The following ETS1 variants were observed in gnomAD, a reference collection of about 807,000 sequenced individuals.
ETS1 encodes the protein ETS proto-oncogene 1, transcription factor, also known as protein C-ets-1.
Under a neutral mutation model 58.6 loss-of-function variants are expected in ETS1, and 15 were observed. The ratio of observed to expected loss-of-function variants is 0.26; its 90% CI spans 0.17 to 0.39. The LOEUF (loss-of-function observed/expected upper bound fraction) is 0.39. Ranked by LOEUF, ETS1 falls within the 10% of genes least tolerant of loss-of-function variation. The probability of loss-of-function intolerance (pLI) is 1.00; values close to 1 mark genes in which losing one functional copy is unlikely to be tolerated. For missense variants in ETS1, 417 were observed against 610.5 expected, an observed-to-expected ratio of 0.68 and a Z score of 3.34; for synonymous variants, 214 against 218.2, an observed-to-expected ratio of 0.98 and a Z score of 0.17.
intron 3 of ETS1, among the ~76,000 whole-genome samples, chr11:128,518,096 C>T (rs1366155854): frequency 6.6e-6 from 1 of 152,210 alleles, no homozygotes; most frequent in East Asian, 1.9e-4. Context: ...ATGACAATCT[C>T]CATCACCCAA....
At chr11:128,571,157 G>T (rs556637558) in intron 2 of ETS1, among the ~76,000 whole-genome samples, 1 of 151,760 alleles carries the variant, frequency 6.6e-6, no homozygotes, top group African/African-American at 2.4e-5. Context: ...GGCTGGGCGC[G>T]GTGGCTCACG....
rs1208087346 is a variant in ETS1, at chr11:128,460,426, A to C, written c.*1935T>G. The C allele has an allele frequency of 1.3e-5, 2 of 152,676 alleles. No individual in the cohort carries two copies. Among genetic ancestry groups the C allele is most frequent in the African/African-American group, 4.8e-5 (2 of 41,422 alleles). 9.5% of individuals were successfully genotyped at this position (152,676 alleles called of 1,614,324 possible). ...GAGGATCTGGGAGTAAATAACAATC[A>C]ATTTTCTTAAAGATATGCTAGAAAG... On this transcript the variant is annotated 3_prime_UTR_variant, in exon 10 of 10. Transcript: ENST00000392668.
At position 128,549,389 on chromosome 11, in the gene ETS1, G is replaced by A. The variant is rs764024663; in HGVS notation, c.214+6902C>T. Among the ~76,000 whole-genome samples the A allele has an allele frequency of 1.4e-4, 22 of 152,168 alleles. No homozygotes were observed. The highest frequency in any genetic ancestry group is 2.5e-4 in the Non-Finnish European group (17 of 68,030). ...CGAGCGGGGCCTGACGCCAGCCGGC[G>A]GCGTCCACCGTCCCACCCCCGTGCG... On this transcript the variant is annotated intron_variant, in intron 3 of 9. Transcript: ENST00000392668. This position sits in a 1 kb window ranked among gnomAD's most constrained non-coding sequence, Gnocchi z 4.3.
intron 3 of ETS1, 137 bp from the exon 4 acceptor site, chr11:128,490,713 AAT>A: frequency 6.4e-6 from 3 of 469,042 alleles, no homozygotes; most frequent in Non-Finnish European, 1.1e-5. Context: ...CAGAGCAGGC[AAT>A]TTTTTTTTTT....
rs1335912497 is a variant in ETS1 at position 128,464,677 on chromosome 11, G to C, written c.1124-1050C>G. 6.6e-6 allele frequency among the ~76,000 whole-genome samples: 1 copy of C among 152,112 alleles called. No homozygotes were observed. The highest frequency in any genetic ancestry group is 1.5e-5 in the Non-Finnish European group (1 of 68,012). On this transcript the variant is annotated intron_variant, in intron 8 of 9. Transcript: ENST00000392668. This position sits in a 1 kb window ranked among gnomAD's most constrained non-coding sequence, Gnocchi z 4.1. ...GCCCAGGAAGCACCAGCTCCTACAG[G>C]AAAGCTTTGCTCACTAAGGCTCTAA... is the stretch of plus-strand genomic sequence containing the variant.
chr11:128,472,871 T>G (rs1862224248), intron 8 of ETS1, among the ~76,000 whole-genome samples: 1 of 152,198 alleles, frequency 6.6e-6, no homozygotes, highest in Admixed American at 6.5e-5. Context: ...TAGATGCTCC[T>G]TCCGTAAACA....
intron 2 of ETS1, among the ~76,000 whole-genome samples, chr11:128,562,443 A>G (rs1864419152): frequency 6.6e-6 from 1 of 152,156 alleles, no homozygotes; most frequent in Admixed American, 6.5e-5. Flanking sequence ...AGTGGTCCCC[A>G]GGCAGCCATG....
chr11:128,583,100 T>C (rs1022372060), intron 1 of ETS1, among the ~76,000 whole-genome samples: 4 of 152,176 alleles, frequency 2.6e-5, no homozygotes, highest in Non-Finnish European at 4.4e-5. Context: ...ATTCCACATT[T>C]CTAACAAGCT....
rs150971113 is a variant in ETS1, at chr11:128,515,795, T to C, written c.215-25219A>G. Among the ~76,000 whole-genome samples the C allele has an allele frequency of 1.2e-3, 188 of 152,236 alleles. 1 individual carries two copies. Among genetic ancestry groups the C allele is most frequent in the African/African-American group, 4.1e-3 (171 of 41,536 alleles). On this transcript the variant is annotated intron_variant, in intron 3 of 9. Coordinates refer to ENST00000392668, the MANE Select transcript of ETS1 (RefSeq NM_001143820.2). ...TATTACTTTGGGTCTAAAAGCACTA[T>C]CTGGGTCAATATTCCACAACTCTTA...
intron 1 of ETS1, among the ~76,000 whole-genome samples, chr11:128,579,848 T>A (rs1864829103): frequency 6.6e-6 from 1 of 152,114 alleles, no homozygotes; most frequent in Non-Finnish European, 1.5e-5. Flanking sequence ...TTTTGAAGAC[T>A]CAGAGTATCT....
At chr11:128,561,012 C>G (rs1864397512) in intron 2 of ETS1, among the ~76,000 whole-genome samples, 1 of 152,044 alleles carries the variant, frequency 6.6e-6, no homozygotes, top group Non-Finnish European at 1.5e-5. Context: ...AGAACATATA[C>G]AGCTATGTAA....
At chr11:128,540,314 C>T (rs1864036011) in intron 3 of ETS1, among the ~76,000 whole-genome samples, 3 of 118,212 alleles carry the variant, frequency 2.5e-5, no homozygotes, top group African/African-American at 9.4e-5. Flanking sequence ...GAGAGAAATT[C>T]CATCTCAAAA....
At chr11:128,492,488 T>C (rs950989197) in intron 3 of ETS1, among the ~76,000 whole-genome samples, 5 of 152,180 alleles carry the variant, frequency 3.3e-5, no homozygotes, top group African/African-American at 1.2e-4. Flanking sequence ...TGACGAGGAA[T>C]CTGAAGTTCC....
intron 3 of ETS1, among the ~76,000 whole-genome samples, chr11:128,509,115 A>T (rs1863320714): frequency 6.6e-6 from 1 of 152,170 alleles, no homozygotes; most frequent in Non-Finnish European, 1.5e-5. Flanking sequence ...TCAGCCTGAA[A>T]TTTCAAAGTT....
chr11:128,479,743 G>A (rs993488512), intron 8 of ETS1, among the ~76,000 whole-genome samples: 5 of 152,148 alleles, frequency 3.3e-5, no homozygotes, highest in Non-Finnish European at 5.9e-5. Flanking sequence ...GGCCTAAGGA[G>A]AACCGTGCTG....
At chr11:128,483,578 C>T (rs775897468) in intron 7 of ETS1, among the ~76,000 whole-genome samples, 2 of 152,210 alleles carry the variant, frequency 1.3e-5, no homozygotes, top group Non-Finnish European at 2.9e-5. Context: ...CCATCCCCTT[C>T]GGTCTGAAAC....
chr11:128,577,093 A>G (rs1864766721), intron 1 of ETS1, among the ~76,000 whole-genome samples: 1 of 152,206 alleles, frequency 6.6e-6, no homozygotes, highest in Non-Finnish European at 1.5e-5. Context: ...TTCAGCACTT[A>G]AGACAGACCA....
intron 5 of ETS1, among the ~76,000 whole-genome samples, chr11:128,488,042 T>C (rs906964983): frequency 1.3e-5 from 2 of 152,208 alleles, no homozygotes; most frequent in African/African-American, 2.4e-5. Flanking sequence ...GAAAACAGCC[T>C]CTTAGTAGAA....
chr11:128,531,702 T>C (rs1202580864), intron 3 of ETS1, among the ~76,000 whole-genome samples: 1 of 152,218 alleles, frequency 6.6e-6, no homozygotes, highest in Non-Finnish European at 1.5e-5. Context: ...AAAGAGAATA[T>C]GTACCCTCTT....
Sources: gnomAD v4.1 joint callset for allele counts (sites outside exome capture counted in the v4.1 genomes callset) on GRCh38, gnomAD v4.1.1 for gene constraint, Gnocchi (gnomAD v3.1) non-coding constraint, MANE v1.5 for transcripts, NCBI Gene and HGNC (gene_info 2026-07-23, HGNC 2026-07-21) for gene names.